Variants in RBFOX1 observed in about 807,000 individuals in gnomAD.
RBFOX1 encodes RNA binding fox-1 homolog 1.
Under a neutral mutation model 57.7 loss-of-function variants are expected in RBFOX1, and 8 were observed. The observed-to-expected ratio is 0.14, with a 90% CI of 0.08 to 0.25. The LOEUF (loss-of-function observed/expected upper bound fraction) is 0.25. Ranked by LOEUF, RBFOX1 falls within the 10% of genes least tolerant of loss-of-function variation. RBFOX1 has a pLI of 1.00. For missense variants in RBFOX1, 611 were observed against 548.5 expected, an observed-to-expected ratio of 1.11 and a Z score of -1.14; for synonymous variants, 326 against 222.4, an observed-to-expected ratio of 1.47 and a Z score of -4.15.
intron 3 of RBFOX1, among the ~76,000 whole-genome samples, chr16:6,729,100 AATGGAG>A (rs980046478): frequency 6.6e-6 from 1 of 152,158 alleles, no homozygotes; most frequent in African/African-American, 2.4e-5. Flanking sequence ...CTTCTGTTGA[AATGGAG>A]ATACTAAACT....
intron 12 of RBFOX1, among the ~76,000 whole-genome samples, chr16:7,655,046 G>A (rs1351594490): frequency 6.6e-6 from 1 of 152,140 alleles, no homozygotes; most frequent in African/African-American, 2.4e-5. Flanking sequence ...ATTTAAGACT[G>A]TGTGAAAAGG....
At chr16:5,675,717 G>C (rs532852380) in intron 3 of RBFOX1, among the ~76,000 whole-genome samples, 66 of 152,284 alleles carry the variant, frequency 4.3e-4, no homozygotes, top group Non-Finnish European at 8.4e-4. Context: ...GTCAGGGAGG[G>C]ATAGATGATT....
intron 4 of RBFOX1, among the ~76,000 whole-genome samples, chr16:5,955,380 A>G (rs79125032): frequency 0.12 from 7,982 of 68,088 alleles, 714 homozygotes; most frequent in Middle Eastern, 0.2. Flanking sequence ...ATAAAATAAA[A>G]TAAAATAAAA....
chr16:6,117,357 G>A (rs1391954948), intron 1 of RBFOX1, among the ~76,000 whole-genome samples: 1 of 152,212 alleles, frequency 6.6e-6, no homozygotes, highest in Non-Finnish European at 1.5e-5. Context: ...AGTTCATTAT[G>A]CATTTCAAAT....
chr16:6,358,524 C>T (rs997888103), intron 2 of RBFOX1, among the ~76,000 whole-genome samples: 1 of 152,156 alleles, frequency 6.6e-6, no homozygotes, highest in Non-Finnish European at 1.5e-5. Context: ...TGAAGAGTCT[C>T]ATTTTTTCAT....
At chr16:7,604,470 G>C (rs1168745538) in intron 9 of RBFOX1, among the ~76,000 whole-genome samples, 2 of 152,200 alleles carry the variant, frequency 1.3e-5, no homozygotes, top group African/African-American at 4.8e-5. Context: ...AGATAGCACA[G>C]ATCTCCTGAT....
intron 11 of RBFOX1, among the ~76,000 whole-genome samples, chr16:7,641,280 G>A (rs774777171): frequency 3.9e-5 from 6 of 152,168 alleles, no homozygotes; most frequent in Non-Finnish European, 8.8e-5. Flanking sequence ...AGACCATGAG[G>A]AGCAGCTCAG....
chr16:7,336,958 G>C (rs886777427), intron 4 of RBFOX1, among the ~76,000 whole-genome samples: 2 of 151,952 alleles, frequency 1.3e-5, no homozygotes, highest in African/African-American at 4.8e-5. Context: ...TGATTTTCAG[G>C]GTGTTGTCCT....
intron 1 of RBFOX1, among the ~76,000 whole-genome samples, chr16:6,110,965 A>T (rs1006783038): frequency 3.3e-5 from 5 of 152,186 alleles, no homozygotes; most frequent in Non-Finnish European, 7.3e-5. Flanking sequence ...TGCAGAAAAC[A>T]GTATTTCAAG....
chr16:6,551,967 A>C (rs180740174), intron 2 of RBFOX1, among the ~76,000 whole-genome samples: 45 of 152,348 alleles, frequency 3.0e-4, no homozygotes, highest in African/African-American at 8.9e-4. Context: ...TTTGCCTCTC[A>C]TCTTCTAGTC....
At position 6,692,093 on chromosome 16, in the gene RBFOX1, T is replaced by G. The variant is rs117003861; in HGVS notation, c.-16+37443T>G. Among the ~76,000 whole-genome samples the G allele has an allele frequency of 1.7e-3, 260 of 152,332 alleles. No homozygotes were observed. The East Asian group carries it at 0.03, about 18-fold the overall frequency. On this transcript the variant is annotated intron_variant, in intron 3 of 15. Coordinates refer to ENST00000550418, the MANE Select transcript of RBFOX1 (RefSeq NM_018723.4). ...TTTAATATACAGAACTGCAAGATAA[T>G]AAACGAGTAGTTATTTTAAGTAAGT...
At chr16:7,158,445 C>G (rs1363459394) in intron 4 of RBFOX1, among the ~76,000 whole-genome samples, 2 of 152,136 alleles carry the variant, frequency 1.3e-5, no homozygotes, top group African/African-American at 2.4e-5. Flanking sequence ...ATTGATACCA[C>G]CTACTGATGC....
intron 4 of RBFOX1, among the ~76,000 whole-genome samples, chr16:7,469,252 C>T (rs1599201180): frequency 6.6e-6 from 1 of 151,634 alleles, no homozygotes; most frequent in East Asian, 1.9e-4. Context: ...TTAGTAGAGA[C>T]AGGGTTTCAC....
chr16:6,940,380 C>A (rs531538605), intron 3 of RBFOX1, among the ~76,000 whole-genome samples: 11 of 152,268 alleles, frequency 7.2e-5, no homozygotes, highest in African/African-American at 2.2e-4. Flanking sequence ...TCCCATCCGA[C>A]AATTCCAGGA....
intron 3 of RBFOX1, among the ~76,000 whole-genome samples, chr16:5,733,496 C>T (rs1324145008): frequency 6.6e-6 from 1 of 152,130 alleles, no homozygotes; most frequent in Non-Finnish European, 1.5e-5. Flanking sequence ...AGTAGCTGCC[C>T]TGGGCCGGGG....
intron 3 of RBFOX1, among the ~76,000 whole-genome samples, chr16:5,807,291 CAGTTTG>C (rs2055261758): frequency 6.6e-6 from 1 of 152,166 alleles, no homozygotes. Flanking sequence ...CTTGTATCCT[CAGTTTG>C]AGGCTCCAAC....
intron 3 of RBFOX1, among the ~76,000 whole-genome samples, chr16:5,672,283 A>G (rs1170781752): frequency 6.6e-6 from 1 of 152,146 alleles, no homozygotes; most frequent in Non-Finnish European, 1.5e-5. Flanking sequence ...AGTAAAATGA[A>G]TTACAGATCA....
At chr16:5,667,467 T>A (rs1307666356) in intron 3 of RBFOX1, among the ~76,000 whole-genome samples, 1 of 152,220 alleles carries the variant, frequency 6.6e-6, no homozygotes, top group African/African-American at 2.4e-5. Context: ...CAGATAGTTT[T>A]TGGGATTGGT....
At chr16:6,524,764 C>A (rs186721436) in intron 2 of RBFOX1, among the ~76,000 whole-genome samples, 106 of 152,252 alleles carry the variant, frequency 7.0e-4, no homozygotes, top group African/African-American at 2.5e-3. Flanking sequence ...TGGTTGTCAG[C>A]ATCCTTGGCA....
Sources: gnomAD v4.1 joint callset for allele counts (sites outside exome capture counted in the v4.1 genomes callset) on GRCh38, gnomAD v4.1.1 for gene constraint, MANE v1.5 for transcripts, NCBI Gene and HGNC (gene_info 2026-07-23, HGNC 2026-07-21) for gene names.